Variants in CSMD1 observed in about 807,000 individuals in gnomAD.
The protein encoded by CSMD1 is CUB and sushi domain-containing protein 1.
CSMD1 carries 213 observed loss-of-function variants against 417.5 expected under a neutral mutation model. The observed-to-expected ratio is 0.51, with a 90% confidence interval of 0.46 to 0.57. The LOEUF (loss-of-function observed/expected upper bound fraction) is 0.57. Among genes scored for constraint, CSMD1 ranks in the 20% least tolerant of loss-of-function variants. The probability of loss-of-function intolerance (pLI) is 0.00; values close to 1 mark genes in which losing one functional copy is unlikely to be tolerated. For missense variants in CSMD1, 6,923 were observed against 4,529.7 expected (o/e 1.53, Z -15.17); for synonymous variants, 2,862 against 1,736.8 (o/e 1.65, Z -16.11).
chr8:4,075,392 A>C (rs1235285696), intron 3 of CSMD1, among the ~76,000 whole-genome samples: 2 of 152,076 alleles, frequency 1.3e-5, no homozygotes, highest in Non-Finnish European at 2.9e-5. Context: ...AACAGAAAAA[A>C]CTCAAATGTT....
intron 11 of CSMD1, among the ~76,000 whole-genome samples, chr8:3,482,206 G>A (rs576917827): frequency 3.9e-5 from 6 of 151,974 alleles, no homozygotes; most frequent in Admixed American, 2.6e-4. Flanking sequence ...AATATAAATG[G>A]TCTAGATATG....
intron 3 of CSMD1, among the ~76,000 whole-genome samples, chr8:4,099,352 C>A (rs1045434703): frequency 6.6e-6 from 1 of 152,048 alleles, no homozygotes; most frequent in African/African-American, 2.4e-5. Flanking sequence ...AACATCTGTT[C>A]AGTCATAAAA....
chr8:4,485,910 G>A (rs1186285333), intron 2 of CSMD1, among the ~76,000 whole-genome samples: 2 of 151,820 alleles, frequency 1.3e-5, no homozygotes, highest in Non-Finnish European at 2.9e-5. Context: ...TTTCCTGGCA[G>A]CCAGGAAGTT....
At chr8:4,402,011 A>AC (rs1274816478) in intron 3 of CSMD1, among the ~76,000 whole-genome samples, 2 of 151,998 alleles carry the variant, frequency 1.3e-5, no homozygotes, top group Admixed American at 1.3e-4. Flanking sequence ...TCCTGCTGCT[A>AC]CCACTGTTAT....
At chr8:4,776,328 T>A (rs1261503693) in intron 1 of CSMD1, among the ~76,000 whole-genome samples, 7 of 152,198 alleles carry the variant, frequency 4.6e-5, no homozygotes, top group African/African-American at 1.7e-4. Context: ...AATATTAATA[T>A]GAAAATATTG....
intron 2 of CSMD1, among the ~76,000 whole-genome samples, chr8:4,459,206 C>G (rs1799662338): frequency 2.6e-5 from 4 of 152,190 alleles, no homozygotes; most frequent in Admixed American, 2.0e-4. Context: ...ATGTCGCTTT[C>G]AAGTTCCACC....
rs1272569644 is a variant in CSMD1 at position 4,629,218 on chromosome 8, CTTTAT to C, written c.302+8119_302+8123del. Among the ~76,000 whole-genome samples, 7 of 152,206 alleles carry C rather than the reference CTTTAT, an allele frequency of 4.6e-5. No homozygotes were observed. The South Asian group carries it at 6.2e-4, about 14-fold the overall frequency. On this transcript the variant is annotated intron_variant, in intron 2 of 69. Transcript: ENST00000635120. ...AGAATTTCTGAATGAAAAGTTTGTACTTTATTTTGAGAAAAATTTCAAAATATCTA... is the reference window on the plus strand; with the variant it reads ...AGAATTTCTGAATGAAAAGTTTGTACTTTGAGAAAAATTTCAAAATATCTA...
chr8:4,090,120 G>C (rs530088900), intron 3 of CSMD1, among the ~76,000 whole-genome samples: 30 of 152,240 alleles, frequency 2.0e-4, no homozygotes, highest in Non-Finnish European at 4.0e-4. Flanking sequence ...TTTAACTCTG[G>C]AAGCTCATCA....
intron 1 of CSMD1, among the ~76,000 whole-genome samples, chr8:4,945,248 G>A (rs868198409): frequency 6.4e-4 from 98 of 152,214 alleles, no homozygotes; most frequent in African/African-American, 2.3e-3. Flanking sequence ...GCTGTGGAAG[G>A]GAACATGGGG....
At chr8:3,997,764 G>A (rs940133506) in intron 5 of CSMD1, 139 bp downstream of exon 5, 51 of 723,676 alleles carry the variant, frequency 7.0e-5, no homozygotes, top group African/African-American at 1.1e-4. Flanking sequence ...CTTTTCCAGA[G>A]CCAAAAGAGC....
At chr8:4,757,216 A>T (rs949680018) in intron 1 of CSMD1, among the ~76,000 whole-genome samples, 5 of 152,338 alleles carry the variant, frequency 3.3e-5, no homozygotes, top group African/African-American at 1.2e-4. Flanking sequence ...GTTTTACTTC[A>T]GGTTCTCCTT....
chr8:2,996,733 T>C (rs985910122), intron 54 of CSMD1, among the ~76,000 whole-genome samples: 9 of 152,254 alleles, frequency 5.9e-5, no homozygotes, highest in African/African-American at 2.2e-4. Flanking sequence ...TCTCCTCTTA[T>C]TTCTCGTGAT....
intron 5 of CSMD1, among the ~76,000 whole-genome samples, chr8:3,967,251 T>C (rs2627470): frequency 0.4 from 59,936 of 149,946 alleles, 11,945 homozygotes; most frequent in East Asian, 0.52. Flanking sequence ...ATCTAATTCT[T>C]CTGCTTTTTT....
chr8:4,159,070 C>A (rs182686874), intron 3 of CSMD1, among the ~76,000 whole-genome samples: 13 of 152,210 alleles, frequency 8.5e-5, no homozygotes, highest in Admixed American at 3.3e-4. Flanking sequence ...CTTGCACCAC[C>A]AGGCCCAGCT....
chr8:4,898,388 A>C (rs188079279), intron 1 of CSMD1, among the ~76,000 whole-genome samples: 4 of 152,230 alleles, frequency 2.6e-5, no homozygotes, highest in Admixed American at 2.6e-4. Context: ...TTTTGCAGTC[A>C]AGTACTAGCA....
intron 1 of CSMD1, among the ~76,000 whole-genome samples, chr8:4,915,015 A>G (rs1248604872): frequency 6.6e-6 from 1 of 152,202 alleles, no homozygotes; most frequent in Non-Finnish European, 1.5e-5. Flanking sequence ...AATTCAATTC[A>G]TATTAGATAT....
At chr8:4,389,030 G>C (rs1043549831) in intron 3 of CSMD1, among the ~76,000 whole-genome samples, 3 of 152,154 alleles carry the variant, frequency 2.0e-5, no homozygotes, top group Admixed American at 1.3e-4. Context: ...CATTAAGTAA[G>C]CATGCAGTTA....
intron 4 of CSMD1, among the ~76,000 whole-genome samples, chr8:4,004,228 T>C (rs1013387943): frequency 6.6e-6 from 1 of 152,094 alleles, no homozygotes; most frequent in African/African-American, 2.4e-5. Flanking sequence ...CTTCAATCTT[T>C]TGTCAAGAAA....
intron 7 of CSMD1, among the ~76,000 whole-genome samples, chr8:3,653,076 A>C (rs1357245483): frequency 6.6e-6 from 1 of 152,160 alleles, no homozygotes; most frequent in Non-Finnish European, 1.5e-5. Flanking sequence ...GTAAAGACTC[A>C]TTCATCAACG....
Sources: allele counts gnomAD v4.1 joint callset (sites outside exome capture counted in the v4.1 genomes callset), GRCh38; gene constraint gnomAD v4.1.1; transcripts MANE v1.5; gene names NCBI Gene and HGNC (gene_info 2026-07-23, HGNC 2026-07-21).